Variants in ADGB observed in about 807,000 individuals in gnomAD.
ADGB encodes calpain-7-like protein.
Under a neutral mutation model 210.5 loss-of-function variants are expected in ADGB, and 172 were observed. The ratio of observed to expected loss-of-function variants is 0.82; its 90% CI spans 0.72 to 0.93. The LOEUF is 0.93. ADGB is among the 40% of genes least tolerant of loss of function. ADGB has a pLI of 0.00. For missense variants in ADGB, 2,025 were observed against 1,964.8 expected, an observed-to-expected ratio of 1.03 and a Z score of -0.58; for synonymous variants, 658 against 662.7, an observed-to-expected ratio of 0.99 and a Z score of 0.11.
At chr6:146,700,695 T>C (rs1205376222) in intron 12 of ADGB, among the ~76,000 whole-genome samples, 2 of 152,110 alleles carry the variant, frequency 1.3e-5, no homozygotes, top group African/African-American at 4.8e-5. Context: ...CACCAAAGCT[T>C]TGAAACAAAT....
intron 16 of ADGB, among the ~76,000 whole-genome samples, chr6:146,718,249 A>C (rs1776762874): frequency 1.4e-5 from 2 of 147,758 alleles, no homozygotes; most frequent in African/African-American, 2.5e-5. Context: ...CAGGAGGCTG[A>C]GGCAGGAGAA....
intron 28 of ADGB, 149 bp from the exon 29 acceptor site, chr6:146,768,871 T>C: frequency 4.4e-6 from 2 of 452,936 alleles, no homozygotes; most frequent in East Asian, 3.1e-5. Context: ...CGTTACAGAG[T>C]TTTGGAGAAC....
chr6:146,630,313 C>T (rs756169739), intron 1 of ADGB, among the ~76,000 whole-genome samples: 2 of 151,870 alleles, frequency 1.3e-5, no homozygotes, highest in Non-Finnish European at 2.9e-5. Context: ...GTCCTAAATA[C>T]TTGGAAGGCC....
chr6:146,791,921 C>CTT (rs66891404), intron 33 of ADGB, among the ~76,000 whole-genome samples: 8 of 112,470 alleles, frequency 7.1e-5, no homozygotes, highest in African/African-American at 2.0e-4. Context: ...CTGCACCTTG[C>CTT]TTTTTTTTTT....
chr6:146,686,371 A>G (rs1002760089), intron 10 of ADGB, among the ~76,000 whole-genome samples: 1 of 152,120 alleles, frequency 6.6e-6, no homozygotes, highest in African/African-American at 2.4e-5. Flanking sequence ...TACAATTAAA[A>G]TATTTATAGT....
At chr6:146,650,079 T>C (rs1775679169) in intron 3 of ADGB, among the ~76,000 whole-genome samples, 1 of 152,196 alleles carries the variant, frequency 6.6e-6, no homozygotes, top group Non-Finnish European at 1.5e-5. Flanking sequence ...TGGATCCATG[T>C]TATTTTTTAG....
intron 3 of ADGB, among the ~76,000 whole-genome samples, chr6:146,653,359 G>C (rs973050004): frequency 6.6e-6 from 1 of 152,030 alleles, no homozygotes; most frequent in Admixed American, 6.6e-5. Flanking sequence ...CCAACTCCTT[G>C]GTTCGTGGAA....
At chr6:146,791,206 G>C (rs1283163092) in intron 33 of ADGB, among the ~76,000 whole-genome samples, 2 of 152,126 alleles carry the variant, frequency 1.3e-5, no homozygotes, top group East Asian at 3.9e-4. Flanking sequence ...AGTCCCACTT[G>C]TCTATTTTTA....
At chr6:146,664,059 T>C in intron 5 of ADGB, 142 bp from the exon 6 acceptor site, 1 of 764,934 alleles carries the variant, frequency 1.3e-6, no homozygotes, top group Non-Finnish European at 2.0e-6. Flanking sequence ...AGTATTGAAA[T>C]CCAGTATCTC....
intron 28 of ADGB, among the ~76,000 whole-genome samples, chr6:146,767,609 T>C (rs923072770): frequency 6.6e-6 from 1 of 152,122 alleles, no homozygotes; most frequent in African/African-American, 2.4e-5. Context: ...GCTGGGATTA[T>C]AGGCACATGC....
Position 146,769,040 on chromosome 6 carries a change from G to T in ADGB, c.3771G>T (p.Gln1257His). The T allele has an allele frequency of 1.3e-6, 2 of 1,518,358 alleles. No homozygotes were observed. Among genetic ancestry groups the T allele is most frequent in the Non-Finnish European group, 1.8e-6 (2 of 1,123,138 alleles). 94.1% of individuals were successfully genotyped at this position (1,518,358 alleles called of 1,614,324 possible). A position where few individuals can be genotyped will look rare whatever the true frequency, so the allele number is the denominator to read the frequency against. Residue 1257 changes from glutamine to histidine, a missense_variant, in exon 29 of 36, where the codon CAG (glutamine) becomes CAT (histidine). By Grantham distance (24) the Gln-to-His change is conservative (BLOSUM62 0). Coordinates refer to ENST00000397944, the MANE Select transcript of ADGB (RefSeq NM_024694.4). The part of the protein sequence containing the change: ...TPLQNYKYII[Q>H]CSVLYNSWPL... ...CACAGAATTACAAGTATATTATACAGTGTTCGGTGTTGTATAACAGTTGGC... is the reference window on the plus strand; with the variant it reads ...CACAGAATTACAAGTATATTATACATTGTTCGGTGTTGTATAACAGTTGGC...
chr6:146,666,705 T>C, intron 6 of ADGB, 111 bp from the exon 7 acceptor site: 3 of 571,356 alleles, frequency 5.3e-6, no homozygotes, highest in Non-Finnish European at 5.9e-6. Context: ...TAATACAGTC[T>C]ATAATGAATA....
Position 146,736,547 on chromosome 6 carries a change from T to G in ADGB, c.2844T>G (p.Ala948=), listed in dbSNP as rs896182941. The change falls in exon 23 of 36, where the codon GCT becomes GCG. Residue 948 remains alanine (A), a synonymous_variant. Coordinates refer to ENST00000397944, the MANE Select transcript of ADGB (RefSeq NM_024694.4). ...SVADTLQKVW[A]VLEMNLEQYA... ...CAGATACTCTTCAAAAAGTTTGGGC[T>G]GTATTGGAAATGAATTTAGAACAGT... 1.3e-6 allele frequency: 2 copies of G among 1,549,608 alleles called. No individual in the cohort carries two copies. Among genetic ancestry groups the G allele is most frequent in the East Asian group, 2.4e-5 (1 of 40,836 alleles).
At chr6:146,776,118 T>C (rs1777717659) in intron 29 of ADGB, among the ~76,000 whole-genome samples, 1 of 152,134 alleles carries the variant, frequency 6.6e-6, no homozygotes, top group African/African-American at 2.4e-5. Flanking sequence ...TAATGGCCTT[T>C]TGAGCTCATT....
chr6:146,797,920 C>CATAAATAA (rs150096067), intron 33 of ADGB, among the ~76,000 whole-genome samples: 1 of 146,092 alleles, frequency 6.8e-6, no homozygotes, highest in African/African-American at 2.5e-5. Context: ...ATTGATAATA[C>CATAAATAA]ATAAATAAAT....
chr6:146,767,583 C>T (rs984345554), intron 28 of ADGB, among the ~76,000 whole-genome samples: 3 of 152,166 alleles, frequency 2.0e-5, no homozygotes, highest in African/African-American at 7.2e-5. Context: ...ATTCTCTCGT[C>T]TCAGCCTCTG....
At chr6:146,702,294 A>T (rs911862325) in intron 13 of ADGB, among the ~76,000 whole-genome samples, 2 of 151,952 alleles carry the variant, frequency 1.3e-5, no homozygotes, top group Admixed American at 6.6e-5. Context: ...TTATGACAGC[A>T]TTTGATACTG....
At chr6:146,777,839 G>A (rs201245560) in intron 29 of ADGB, among the ~76,000 whole-genome samples, 2 of 152,106 alleles carry the variant, frequency 1.3e-5, no homozygotes, top group East Asian at 3.9e-4. Flanking sequence ...AATCACGTGA[G>A]GTACATTTTA....
At chr6:146,691,860 T>G (rs756299170) in intron 11 of ADGB, among the ~76,000 whole-genome samples, 11 of 151,604 alleles carry the variant, frequency 7.3e-5, no homozygotes, top group African/African-American at 2.4e-4. Context: ...TTTTTTGTGT[T>G]TGTTTGTTTG....
Sources: gnomAD v4.1 joint callset for allele counts (sites outside exome capture counted in the v4.1 genomes callset) on GRCh38, gnomAD v4.1.1 for gene constraint, MANE v1.5 for transcripts, NCBI Gene and HGNC (gene_info 2026-07-23, HGNC 2026-07-21) for gene names.